HIPK3: variants seen among roughly 807,000 people sequenced by gnomAD.
The protein encoded by HIPK3 is homeodomain interacting protein kinase 3.
HIPK3 carries 47 observed loss-of-function variants against 124.2 expected under a neutral mutation model. That is an observed-to-expected ratio of 0.38 (90% CI 0.30 to 0.48). HIPK3 has a LOEUF of 0.48. Among genes scored for constraint, HIPK3 ranks in the 20% least tolerant of loss-of-function variants. The pLI is 0.98. For missense variants in HIPK3, 1,286 were observed against 1,454.3 expected (o/e 0.88, Z 1.88); for synonymous variants, 482 against 515.2 (o/e 0.94, Z 0.87).
At chr11:33,267,212 T>C (rs1473114080) in intron 1 of HIPK3, among the ~76,000 whole-genome samples, 2 of 151,044 alleles carry the variant, frequency 1.3e-5, no homozygotes, top group Non-Finnish European at 2.9e-5. Flanking sequence ...AACCTCTGCC[T>C]CCTGGGTTCA....
At chr11:33,312,182 A>G (rs192100622) in intron 2 of HIPK3, among the ~76,000 whole-genome samples, 8 of 152,066 alleles carry the variant, frequency 5.3e-5, no homozygotes, top group Middle Eastern at 3.4e-3. Flanking sequence ...TTATGTGTAT[A>G]TTTTTTCTAG....
chr11:33,272,027 C>G (rs1017860179), intron 1 of HIPK3, among the ~76,000 whole-genome samples: 1 of 152,088 alleles, frequency 6.6e-6, no homozygotes, highest in African/African-American at 2.4e-5. Context: ...ATAAGCAACT[C>G]AAAAAATGTG....
intron 8 of HIPK3, 83 bp downstream of exon 8, chr11:33,341,769 TG>T: frequency 7.6e-7 from 1 of 1,319,836 alleles, no homozygotes; most frequent in Non-Finnish European, 1.0e-6. Flanking sequence ...TTAAATATAT[TG>T]TATAATTTTT....
rs535672756 is a variant in HIPK3, at chr11:33,351,662, A to G, written c.2862A>G (p.Thr954=). Residue 954 remains threonine (T), a synonymous_variant, in exon 15 of 17, where the codon ACA becomes ACG. Coordinates refer to ENST00000303296, the MANE Select transcript of HIPK3 (RefSeq NM_005734.5). ...GTGATACGGTGGATGGCTCTCCGAC[A>G]TCTGACTCTTCCGGGCATGACAGTC... The part of the protein sequence containing the change: ...SSCDTVDGSP[T]SDSSGHDSPF... 3 of 1,614,238 alleles carry G rather than the reference A, an allele frequency of 1.9e-6. No individual in the cohort carries two copies. In the East Asian group the frequency reaches 6.7e-5, roughly 36 times the overall value.
chr11:33,272,177 C>T (rs1200799178), intron 1 of HIPK3, among the ~76,000 whole-genome samples: 1 of 152,070 alleles, frequency 6.6e-6, no homozygotes, highest in Non-Finnish European at 1.5e-5. Flanking sequence ...GCAGGTGGAT[C>T]ACTTGAGATC....
chr11:33,305,881 G>A (rs1340602638), intron 2 of HIPK3, among the ~76,000 whole-genome samples: 1 of 150,904 alleles, frequency 6.6e-6, no homozygotes, highest in East Asian at 1.9e-4. Flanking sequence ...GAGTCTCACT[G>A]TGTCATCCAG....
chr11:33,307,139 A>G (rs1174752285), intron 2 of HIPK3, among the ~76,000 whole-genome samples: 1 of 151,902 alleles, frequency 6.6e-6, no homozygotes, highest in South Asian at 2.1e-4. Context: ...GGGTTTTGCC[A>G]TGTTGGCCAG....
intron 2 of HIPK3, among the ~76,000 whole-genome samples, chr11:33,300,873 C>CT (rs1851979449): frequency 6.6e-6 from 1 of 152,104 alleles, no homozygotes; most frequent in Non-Finnish European, 1.5e-5. Context: ...GTAGCTGGGA[C>CT]TTCAGGTGCA....
intron 1 of HIPK3, among the ~76,000 whole-genome samples, chr11:33,272,646 C>T (rs1185208003): frequency 2.0e-5 from 3 of 149,666 alleles, no homozygotes; most frequent in South Asian, 2.1e-4. Flanking sequence ...TTTCCTTTCC[C>T]TTCCCTTCCC....
intron 2 of HIPK3, among the ~76,000 whole-genome samples, chr11:33,296,275 G>A (rs1193838001): frequency 6.6e-6 from 1 of 152,136 alleles, no homozygotes; most frequent in East Asian, 1.9e-4. Flanking sequence ...CACCACAGAT[G>A]TTCTGACTTA....
rs1316399257 is a variant in HIPK3, at chr11:33,287,108, CCTT to C, written c.698_700del (p.Ser233del). The C allele has an allele frequency of 1.9e-6, 3 of 1,614,122 alleles. No individual in the cohort carries two copies. The highest frequency in any genetic ancestry group is 2.5e-6 in the Non-Finnish European group (3 of 1,180,000). The stretch of plus-strand genomic sequence containing the variant: ...AGCAATCAAAATTTTGAAGAATCAT[CCTT>C]CTTATGCCCGTCAAGGTCAAATAGA... On this transcript the variant is annotated inframe_deletion, in exon 2 of 17. Coordinates refer to ENST00000303296, the MANE Select transcript of HIPK3 (RefSeq NM_005734.5).
At chr11:33,318,049 G>A (rs1476554729) in intron 2 of HIPK3, among the ~76,000 whole-genome samples, 1 of 152,120 alleles carries the variant, frequency 6.6e-6, no homozygotes, top group African/African-American at 2.4e-5. Context: ...TTAAATTATA[G>A]GAAGAGTTCA....
In HIPK3 at chr11:33,287,476, T is replaced by G; in HGVS notation, c.1062T>G (p.Thr354=). The G allele has an allele frequency of 1.2e-6, 2 of 1,613,134 alleles. No individual in the cohort carries two copies. Among genetic ancestry groups the G allele is most frequent in the Non-Finnish European group, 1.7e-6 (2 of 1,179,364 alleles). ...DFGSASHVSK[T]VCSTYLQSRY... ...GGTCGGCCAGTCATGTATCAAAGAC[T>G]GTTTGTTCAACATATCTACAATCTC... Residue 354 remains threonine (T), a synonymous_variant, in exon 2 of 17, where the codon ACT becomes ACG. Coordinates refer to ENST00000303296, the MANE Select transcript of HIPK3 (RefSeq NM_005734.5).
chr11:33,261,550 CT>C (rs1328171936), intron 1 of HIPK3, among the ~76,000 whole-genome samples: 3 of 152,102 alleles, frequency 2.0e-5, no homozygotes, highest in African/African-American at 7.2e-5. Context: ...TGACATCATT[CT>C]TTTTTTATGG....
At chr11:33,270,102 C>T (rs372229652) in intron 1 of HIPK3, among the ~76,000 whole-genome samples, 10 of 152,128 alleles carry the variant, frequency 6.6e-5, no homozygotes, top group East Asian at 1.9e-4. Flanking sequence ...CTCAGCTTCC[C>T]GAGTAGCTGG....
intron 3 of HIPK3, among the ~76,000 whole-genome samples, 153 bp downstream of exon 3, chr11:33,328,786 C>CT (rs1852885380): frequency 6.6e-5 from 10 of 152,100 alleles, no homozygotes; most frequent in African/African-American, 2.4e-4. Flanking sequence ...ATTTTGAAAA[C>CT]TGTTTTATAA....
At chr11:33,291,905 A>T (rs747706820) in intron 2 of HIPK3, among the ~76,000 whole-genome samples, 4 of 152,174 alleles carry the variant, frequency 2.6e-5, no homozygotes, top group Non-Finnish European at 5.9e-5. Context: ...GCTATTTTGC[A>T]TGTAATAGTT....
rs776634720 is a variant in HIPK3 at position 33,351,601 on chromosome 11, T to G, written c.2808-7T>G. The G allele has an allele frequency of 6.2e-7, 1 of 1,605,168 alleles. No homozygotes were observed. The highest frequency in any genetic ancestry group is 8.5e-7 in the Non-Finnish European group (1 of 1,172,738). ...TATCACTCATAAAAAATGCTTTCTT[T>G]TTGTAGTATGTCAGATGAAGAGCAA... On this transcript the variant is annotated splice_region_variant and splice_polypyrimidine_tract_variant and intron_variant, in intron 14 of 16. Coordinates refer to ENST00000303296, the MANE Select transcript of HIPK3 (RefSeq NM_005734.5).
intron 2 of HIPK3, among the ~76,000 whole-genome samples, chr11:33,311,417 T>C (rs916122848): frequency 6.6e-6 from 1 of 152,200 alleles, no homozygotes; most frequent in Admixed American, 6.5e-5. Flanking sequence ...TGGGCTCAAG[T>C]TGTCCTTTAA....
Sources: gnomAD v4.1 joint callset for allele counts (sites outside exome capture counted in the v4.1 genomes callset) on GRCh38, gnomAD v4.1.1 for gene constraint, MANE v1.5 for transcripts, NCBI Gene and HGNC (gene_info 2026-07-23, HGNC 2026-07-21) for gene names.